The following CCDC197 variants were observed in gnomAD, a reference collection of about 807,000 sequenced individuals.
The protein encoded by CCDC197 is uncharacterized protein CCDC197.
A neutral mutation model predicts 13.4 loss-of-function variants in CCDC197; 24 were observed. That is an observed-to-expected ratio of 1.80 (90% CI 1.30 to 2.53). The LOEUF is 2.53. Ranked by LOEUF, CCDC197 falls within the 30% of genes most tolerant of loss-of-function variation. The pLI is 0.00. For missense variants in CCDC197, 255 were observed against 148.8 expected, an observed-to-expected ratio of 1.71 and a Z score of -3.71; for synonymous variants, 99 against 55.5, an observed-to-expected ratio of 1.78 and a Z score of -3.48.
intron 2 of CCDC197, among the ~76,000 whole-genome samples, chr14:93,999,142 G>A (rs1022338487): frequency 1.3e-5 from 2 of 152,172 alleles, no homozygotes; most frequent in East Asian, 1.9e-4. Flanking sequence ...GGAGCCCCAC[G>A]CATGACCCTG....
chr14:94,002,274 T>C (rs1013896117), intron 4 of CCDC197, among the ~76,000 whole-genome samples: 20 of 151,874 alleles, frequency 1.3e-4, no homozygotes. Context: ...CTCTCTCTCT[T>C]TCTTTCTTTC....
chr14:93,994,888 G>A (rs1890255703), upstream of CCDC197, among the ~76,000 whole-genome samples: 1 of 152,190 alleles, frequency 6.6e-6, no homozygotes, highest in South Asian at 2.1e-4. Flanking sequence ...GCCTCCCGCT[G>A]TGGGACCCCC....
At chr14:94,005,254 G>A (rs540738817) in intron 6 of CCDC197, among the ~76,000 whole-genome samples, 10 of 152,178 alleles carry the variant, frequency 6.6e-5, no homozygotes, top group Non-Finnish European at 1.2e-4. Context: ...ACAGGCACAC[G>A]CACACACACA....
chr14:94,000,959 C>A, intron 3 of CCDC197, 186 bp from the exon 4 acceptor site: 2 of 303,874 alleles, frequency 6.6e-6, no homozygotes, highest in East Asian at 4.5e-5. Context: ...GTGGAGGGGG[C>A]GGGAGGGCGG....
At position 93,988,143 on chromosome 14, in the gene CCDC197, G is replaced by C. The variant is rs1191316499; in HGVS notation, c.-107+747G>C. The stretch of plus-strand genomic sequence containing the variant: ...GTCAGGGAGGAAAAGTGAGTGGTAG[G>C]GGAGTCTAGAAGGAGGAGTTGGAGG... On this transcript the variant is annotated intron_variant, in intron 1 of 7. Coordinates refer to the CCDC197 transcript ENST00000640978. 3.0e-5 allele frequency among the ~76,000 whole-genome samples: 4 copies of C among 131,464 alleles called. No individual in the cohort carries two copies. In the East Asian group the frequency reaches 9.4e-4, roughly 31 times the overall value. The allele number at this position is 131,464 out of a possible 152,430, so 86.2% of individuals were successfully genotyped here. A position where few individuals can be genotyped will look rare whatever the true frequency, so the allele number is the denominator to read the frequency against.
downstream of CCDC197, among the ~76,000 whole-genome samples, chr14:94,011,149 G>A (rs1169143948): frequency 1.3e-5 from 2 of 152,182 alleles, no homozygotes; most frequent in African/African-American, 4.8e-5. Context: ...CGATGGGGCT[G>A]GACCGGGCAT....
At chr14:93,999,775 A>T (rs531535228) in intron 3 of CCDC197, 110 bp downstream of exon 3, 18 of 699,942 alleles carry the variant, frequency 2.6e-5, no homozygotes, top group Non-Finnish European at 4.4e-5. Context: ...TCATCTACAG[A>T]ATGGGAATCC....
rs540118554 is a variant in CCDC197, at chr14:94,008,510, AAGG to A, written c.616-96_616-94del. On this transcript the variant is annotated intron_variant, in intron 6 of 6. Coordinates refer to ENST00000636493, the MANE Select transcript of CCDC197 (RefSeq NM_001351596.2). ...CTTTGCAGGGCGCTTGTGAGAGTTA[AAGG>A]AGAAGTAGGTCAGCCTTTGATGATG... 605 of 652,304 alleles carry A rather than the reference AAGG, an allele frequency of 9.3e-4. 5 individuals carry two copies. The East Asian group carries it at 0.016, about 17-fold the overall frequency. The allele number at this position is 652,304 out of a possible 1,614,324, so 40.4% of individuals were successfully genotyped here. A position where few individuals can be genotyped will look rare whatever the true frequency, so the allele number is the denominator to read the frequency against.
intron 4 of CCDC197, among the ~76,000 whole-genome samples, chr14:94,002,049 CT>C (rs1890530587): frequency 1.3e-5 from 2 of 152,220 alleles, no homozygotes. Context: ...GCGTGAAGCA[CT>C]TTACATGCTT....
intron 1 of CCDC197, among the ~76,000 whole-genome samples, 196 bp downstream of exon 1, chr14:93,997,767 T>A (rs1890362419): frequency 6.6e-6 from 1 of 152,178 alleles, no homozygotes; most frequent in South Asian, 2.1e-4. Flanking sequence ...TTCCCAGGCA[T>A]CTTGGTGGCC....
intron 6 of CCDC197, among the ~76,000 whole-genome samples, chr14:94,008,070 C>T (rs1890736287): frequency 6.6e-6 from 1 of 152,084 alleles, no homozygotes; most frequent in Non-Finnish European, 1.5e-5. Flanking sequence ...TCTAAATAGT[C>T]ACAGTGTATT....
chr14:94,001,656 T>C, intron 4 of CCDC197: 1 of 221,494 alleles, frequency 4.5e-6, no homozygotes, highest in Non-Finnish European at 8.9e-6. Context: ...TCTGCATCTG[T>C]CAAGTGGGGG....
upstream of CCDC197, among the ~76,000 whole-genome samples, chr14:93,995,509 G>A (rs564317776): frequency 1.3e-5 from 2 of 152,264 alleles, no homozygotes; most frequent in African/African-American, 4.8e-5. Flanking sequence ...TGTGGGTTCT[G>A]TTGCTCAGCT....
chr14:94,001,091 G>T (rs1216014332), intron 3 of CCDC197, 54 bp from the exon 4 acceptor site: 5 of 690,404 alleles, frequency 7.2e-6, no homozygotes, highest in African/African-American at 1.8e-5. Context: ...CACCCTGTTG[G>T]CATGGCCCAC....
chr14:93,998,704 G>C, intron 2 of CCDC197, among the ~76,000 whole-genome samples: 1 of 152,244 alleles, frequency 6.6e-6, no homozygotes. Flanking sequence ...ATGAAGAAAA[G>C]AGCTGACCCA....
At chr14:94,001,375 G>T in intron 4 of CCDC197, 52 bp downstream of exon 4, 2 of 685,042 alleles carry the variant, frequency 2.9e-6, no homozygotes, top group Non-Finnish European at 5.4e-6. Context: ...GGAGCTGGGG[G>T]CGTGGGGCCC....
chr14:93,995,349 G>C (rs1377742904), upstream of CCDC197, among the ~76,000 whole-genome samples: 1 of 152,200 alleles, frequency 6.6e-6, no homozygotes, highest in Admixed American at 6.5e-5. Flanking sequence ...TGAAGACTTG[G>C]GGGTGATGGG....
rs765511935 is a variant in CCDC197, at chr14:93,998,253, C to G, written c.104+18C>G. On this transcript the variant is annotated intron_variant, in intron 2 of 6. Transcript: ENST00000636493. ...CAGGCTAAGTATGTGTTGTCCCACCCCTGCCCCAGCCCCAGCCCCAGTGCT... is the reference window on the plus strand; with the variant it reads ...CAGGCTAAGTATGTGTTGTCCCACCGCTGCCCCAGCCCCAGCCCCAGTGCT... 91 of 774,308 alleles carry G rather than the reference C, an allele frequency of 1.2e-4. No individual in the cohort carries two copies. The Middle Eastern group carries it at 3.8e-3, about 32-fold the overall frequency. 48.0% of individuals were successfully genotyped at this position (774,308 alleles called of 1,614,324 possible).
At chr14:93,995,314 C>T (rs1890260432), upstream of CCDC197, among the ~76,000 whole-genome samples, 1 of 152,168 alleles carries the variant, frequency 6.6e-6, no homozygotes, top group South Asian at 2.1e-4. Context: ...ACTGAAAGTT[C>T]CCAGGCATCA....
Sources: gnomAD v4.1 joint callset for allele counts (sites outside exome capture counted in the v4.1 genomes callset) on GRCh38, gnomAD v4.1.1 for gene constraint, MANE v1.5 for transcripts, NCBI Gene and HGNC (gene_info 2026-07-23, HGNC 2026-07-21) for gene names.